Variants in TASP1 observed in about 807,000 individuals in gnomAD.
TASP1 encodes threonine aspartase 1.
Under a neutral mutation model 56.6 loss-of-function variants are expected in TASP1, and 16 were observed. The ratio of observed to expected loss-of-function variants is 0.28; its 90% CI spans 0.19 to 0.43. TASP1 has a LOEUF of 0.43. TASP1 is among the 20% of genes least tolerant of loss of function. The pLI, the probability that TASP1 is intolerant of heterozygous loss-of-function variation, is 1.00. For synonymous variants in TASP1, 179 were observed against 184.2 expected (o/e 0.97, Z 0.23); for missense variants, 393 against 511.6 (o/e 0.77, Z 2.24).
At chr20:13,186,493 T>C in the TASP1 span, among the ~76,000 whole-genome samples, 1 of 151,962 alleles carries the variant, frequency 6.6e-6, no homozygotes, top group Non-Finnish European at 1.5e-5. Context: ...GAGGGGAAAA[T>C]AGCTACATTA....
chr20:13,129,694 G>T, the TASP1 span, among the ~76,000 whole-genome samples: 2 of 152,120 alleles, frequency 1.3e-5, no homozygotes, highest in African/African-American at 4.8e-5. Flanking sequence ...TCCCTCCTCC[G>T]ATTGGTTCAT....
chr20:13,292,398 C>A, the TASP1 span: 1 of 1,605,760 alleles, frequency 6.2e-7, no homozygotes, highest in Non-Finnish European at 8.5e-7. Context: ...TTTAGGACAG[C>A]TGCCACCGAA....
chr20:13,398,842 G>A (rs1014758639), intron 13 of TASP1, among the ~76,000 whole-genome samples: 8 of 152,050 alleles, frequency 5.3e-5, no homozygotes, highest in African/African-American at 1.7e-4. Flanking sequence ...TCCTCCAGTC[G>A]CCACTCCATT....
chr20:13,266,071 A>C, the TASP1 span, among the ~76,000 whole-genome samples: 1 of 152,212 alleles, frequency 6.6e-6, no homozygotes, highest in East Asian at 1.9e-4. Context: ...CCTTTGCAGC[A>C]GTTCTGTCCA....
intron 1 of TASP1, among the ~76,000 whole-genome samples, chr20:13,633,157 T>A (rs971419002): frequency 1.3e-5 from 2 of 152,104 alleles, no homozygotes; most frequent in Non-Finnish European, 2.9e-5. Context: ...TTGGAAACAA[T>A]GAGAAAACTT....
the TASP1 span, chr20:13,221,772 A>G: frequency 2.1e-6 from 3 of 1,442,488 alleles, no homozygotes; most frequent in Non-Finnish European, 2.7e-6. Flanking sequence ...GCGCGTCTCA[A>G]AAGGATGGTG....
chr20:13,428,635 G>T (rs776111797), intron 12 of TASP1, among the ~76,000 whole-genome samples: 3 of 152,130 alleles, frequency 2.0e-5, no homozygotes, highest in African/African-American at 7.2e-5. Context: ...TCATGATCTG[G>T]GGGTAGGAGG....
chr20:13,624,951 C>T (rs1290536984), intron 3 of TASP1, among the ~76,000 whole-genome samples: 1 of 152,008 alleles, frequency 6.6e-6, no homozygotes, highest in Non-Finnish European at 1.5e-5. Context: ...GATTGTGTGC[C>T]CACAATTACA....
At chr20:13,579,276 GAACA>G (rs2047033248) in intron 6 of TASP1, among the ~76,000 whole-genome samples, 1 of 152,114 alleles carries the variant, frequency 6.6e-6, no homozygotes, top group Admixed American at 6.5e-5. Flanking sequence ...TGCACCTACT[GAACA>G]AACACTTAGT....
the TASP1 span, among the ~76,000 whole-genome samples, chr20:13,358,076 C>T: frequency 1.3e-5 from 2 of 152,090 alleles, no homozygotes; most frequent in East Asian, 1.9e-4. Flanking sequence ...TTGTGAAAGT[C>T]CTTTGCCTGG....
the TASP1 span, among the ~76,000 whole-genome samples, chr20:13,113,181 TCAA>T: frequency 6.6e-6 from 1 of 151,994 alleles, no homozygotes; most frequent in Non-Finnish European, 1.5e-5. Context: ...AGACTCTGTC[TCAA>T]CAACAACAAC....
chr20:13,421,109 T>C (rs1257203014), intron 12 of TASP1, among the ~76,000 whole-genome samples: 4 of 25,308 alleles, frequency 1.6e-4, no homozygotes, highest in East Asian at 1.1e-3. Flanking sequence ...GTTTTCCTTC[T>C]TTTTTTTTTT....
chr20:13,540,488 C>A (rs1267060693), intron 8 of TASP1, among the ~76,000 whole-genome samples: 4 of 152,098 alleles, frequency 2.6e-5, no homozygotes, highest in African/African-American at 4.8e-5. Flanking sequence ...TGGGAACAAT[C>A]CAAATGTCTA....
the TASP1 span, among the ~76,000 whole-genome samples, chr20:13,245,818 T>G: frequency 6.6e-6 from 1 of 152,222 alleles, no homozygotes; most frequent in Non-Finnish European, 1.5e-5. Context: ...AAACAGATAC[T>G]GAGGAACTCC....
chr20:13,235,876 A>T, the TASP1 span, among the ~76,000 whole-genome samples: 1 of 151,928 alleles, frequency 6.6e-6, no homozygotes, highest in African/African-American at 2.4e-5. Context: ...GAAACAGAAC[A>T]TGCCTGGGGA....
intron 13 of TASP1, among the ~76,000 whole-genome samples, chr20:13,412,424 T>A (rs1157898302): frequency 1.3e-5 from 2 of 152,238 alleles, no homozygotes; most frequent in Non-Finnish European, 2.9e-5. Context: ...CTTCTCTGGA[T>A]ACTTTTTAAA....
At chr20:13,278,415 A>G in the TASP1 span, among the ~76,000 whole-genome samples, 2 of 152,140 alleles carry the variant, frequency 1.3e-5, no homozygotes, top group Admixed American at 6.5e-5. Context: ...AGGAGCTTGT[A>G]CTTATGTCTC....
the TASP1 span, among the ~76,000 whole-genome samples, chr20:13,332,451 A>T: frequency 6.6e-6 from 1 of 152,172 alleles, no homozygotes; most frequent in Non-Finnish European, 1.5e-5. Context: ...ATTCATCTTT[A>T]TATTGTGCAA....
At chr20:13,205,027 G>A in the TASP1 span, among the ~76,000 whole-genome samples, 2 of 152,120 alleles carry the variant, frequency 1.3e-5, no homozygotes, top group Non-Finnish European at 2.9e-5. Flanking sequence ...TACCAAAAGG[G>A]GCTGCCTTGG....
Sources: gnomAD v4.1 joint callset for allele counts (sites outside exome capture counted in the v4.1 genomes callset) on GRCh38, gnomAD v4.1.1 for gene constraint, MANE v1.5 for transcripts, NCBI Gene and HGNC (gene_info 2026-07-23, HGNC 2026-07-21) for gene names.